The following VKORC1L1 variants were observed in gnomAD, a reference collection of about 807,000 sequenced individuals.
VKORC1L1 encodes vitamin K epoxide reductase complex subunit 1L1, also known as vitamin K epoxide reductase complex subunit 1-like protein 1.
VKORC1L1 carries 2 observed loss-of-function variants against 18.9 expected under a neutral mutation model. The observed-to-expected ratio is 0.11, with a 90% CI of 0.04 to 0.33. The LOEUF is 0.33. Ranked by LOEUF, VKORC1L1 falls within the 10% of genes least tolerant of loss-of-function variation. The pLI is 1.00. For missense variants in VKORC1L1, 123 were observed against 224.1 expected, an observed-to-expected ratio of 0.55 and a Z score of 2.88; for synonymous variants, 96 against 100.0, an observed-to-expected ratio of 0.96 and a Z score of 0.24.
At chr7:65,868,088 T>C (rs1788683982), upstream of VKORC1L1, among the ~76,000 whole-genome samples, 2 of 152,122 alleles carry the variant, frequency 1.3e-5, no homozygotes, top group Non-Finnish European at 2.9e-5. Context: ...CTCAGGTGAT[T>C]CACCTGCCTA....
intron 1 of VKORC1L1, among the ~76,000 whole-genome samples, chr7:65,939,319 G>A (rs551954610): frequency 6.6e-6 from 1 of 152,300 alleles, no homozygotes; most frequent in Non-Finnish European, 1.5e-5. Context: ...AGAAGTAAAA[G>A]GGGTCCTGGA....
intron 1 of VKORC1L1, among the ~76,000 whole-genome samples, chr7:65,900,347 A>T (rs1789293991): frequency 6.6e-6 from 1 of 151,496 alleles, no homozygotes; most frequent in African/African-American, 2.4e-5. Flanking sequence ...GTGAGCTGAG[A>T]TCATGCCACT....
chr7:65,900,664 G>A (rs1446974374), intron 1 of VKORC1L1, among the ~76,000 whole-genome samples: 1 of 151,994 alleles, frequency 6.6e-6, no homozygotes, highest in African/African-American at 2.4e-5. Context: ...TTAGAACTGG[G>A]TGTTGTGGCA....
chr7:65,917,715 T>G (rs940613833), intron 1 of VKORC1L1, among the ~76,000 whole-genome samples: 2 of 152,250 alleles, frequency 1.3e-5, no homozygotes, highest in Non-Finnish European at 1.5e-5. Context: ...CCTGTATCCA[T>G]CACTAAAAAC....
In VKORC1L1 at chr7:65,921,860, A is replaced by T. The variant is rs1789681551; in HGVS notation, c.195-26811A>T. Among the ~76,000 whole-genome samples, 2 of 151,938 alleles carry T rather than the reference A, an allele frequency of 1.3e-5. 1 individual carries two copies. The highest frequency in any genetic ancestry group is 4.1e-4 in the South Asian group (2 of 4,820). On this transcript the variant is annotated intron_variant, in intron 1 of 2. Transcript: ENST00000360768. ...GAGACTCCATCTCAAAAAAAAAAAA[A>T]AAATTTTTTTTAGAGACGGGTCTCA...
rs113574795 is a variant in VKORC1L1 at position 65,888,599 on chromosome 7, C to T, written c.194+15034C>T. On this transcript the variant is annotated intron_variant, in intron 1 of 2. Transcript: ENST00000360768. The stretch of plus-strand genomic sequence containing the variant: ...GCCTTGGCCTCTTCTACCGAAGCTG[C>T]AGGTTTGGCCCTGTCTCTCCCTTAC... 1.1e-3 allele frequency among the ~76,000 whole-genome samples: 169 copies of T among 151,610 alleles called. 1 individual carries two copies. Among genetic ancestry groups the T allele is most frequent in the African/African-American group, 3.1e-3 (130 of 41,436 alleles).
At chr7:65,912,072 C>T (rs1789511192) in intron 1 of VKORC1L1, among the ~76,000 whole-genome samples, 1 of 152,086 alleles carries the variant, frequency 6.6e-6, no homozygotes, top group East Asian at 1.9e-4. Context: ...TGCAGTGAGC[C>T]GCTATTGCAC....
At chr7:65,887,729 G>A (rs1246040924) in intron 1 of VKORC1L1, among the ~76,000 whole-genome samples, 1 of 152,096 alleles carries the variant, frequency 6.6e-6, no homozygotes, top group African/African-American at 2.4e-5. Flanking sequence ...TCTCACACAA[G>A]TGTCTCATTT....
chr7:65,922,497 T>C (rs922434029), intron 1 of VKORC1L1, among the ~76,000 whole-genome samples: 1 of 152,180 alleles, frequency 6.6e-6, no homozygotes, highest in Non-Finnish European at 1.5e-5. Context: ...TTGGCCAGGC[T>C]GGACTCTAAC....
chr7:65,936,495 G>T (rs1300453138), intron 1 of VKORC1L1, among the ~76,000 whole-genome samples: 1 of 152,142 alleles, frequency 6.6e-6, no homozygotes, highest in Non-Finnish European at 1.5e-5. Context: ...TGGGTGATGG[G>T]TTCAATGCCA....
intron 1 of VKORC1L1, among the ~76,000 whole-genome samples, chr7:65,916,844 C>T (rs935241575): frequency 1.3e-5 from 2 of 152,126 alleles, no homozygotes; most frequent in Non-Finnish European, 2.9e-5. Context: ...GTGATCCACC[C>T]ACCTTGGCCT....
chr7:65,929,714 AACTTT>A, intron 1 of VKORC1L1, among the ~76,000 whole-genome samples: 1 of 121,868 alleles, frequency 8.2e-6, no homozygotes, highest in East Asian at 2.6e-4. Flanking sequence ...GGTTTTTTTT[AACTTT>A]ACTTTTAAAA....
Position 65,909,680 on chromosome 7 carries a change from G to C in VKORC1L1, c.194+36115G>C, listed in dbSNP as rs116607411. On this transcript the variant is annotated intron_variant, in intron 1 of 2. Transcript: ENST00000360768. ...CTGTTCTTTGAAGCTTCTAACTTTT[G>C]TTTTAGCCTTTGTGTGTGTGTGTGT... is the stretch of plus-strand genomic sequence containing the variant. Among the ~76,000 whole-genome samples, 1,315 of 141,674 alleles carry C rather than the reference G, an allele frequency of 9.3e-3. 24 individuals are homozygous for C. Among genetic ancestry groups the C allele is most frequent in the African/African-American group, 0.032 (1,184 of 37,304 alleles). The allele number at this position is 141,674 out of a possible 152,430, so 92.9% of individuals were successfully genotyped here.
chr7:65,955,587 G>A lies in VKORC1L1; in HGVS notation c.*1287G>A, dbSNP rs1314804741. ...CAAATGAAATTGTGACAGGATGTTT[G>A]TATGGTTAACATCTGATATCAGAAT... On this transcript the variant is annotated 3_prime_UTR_variant, in exon 3 of 3. Coordinates refer to ENST00000360768, the MANE Select transcript of VKORC1L1 (RefSeq NM_173517.6). 1 of 152,220 alleles carries A rather than the reference G, an allele frequency of 6.6e-6. No homozygotes were observed. Among genetic ancestry groups the A allele is most frequent in the Non-Finnish European group, 1.5e-5 (1 of 68,048 alleles). The allele number at this position is 152,220 out of a possible 1,614,324, so 9.4% of individuals were successfully genotyped here. A position where few individuals can be genotyped will look rare whatever the true frequency, so the allele number is the denominator to read the frequency against.
At chr7:65,886,652 C>G (rs1275139142) in intron 1 of VKORC1L1, among the ~76,000 whole-genome samples, 1 of 151,840 alleles carries the variant, frequency 6.6e-6, no homozygotes, top group Non-Finnish European at 1.5e-5. Flanking sequence ...GTTCTCCTGC[C>G]TCAGCATCCT....
At chr7:65,910,851 A>G (rs774888426) in intron 1 of VKORC1L1, among the ~76,000 whole-genome samples, 72 of 152,228 alleles carry the variant, frequency 4.7e-4, no homozygotes, top group Non-Finnish European at 8.2e-4. Context: ...TAAAACATTT[A>G]TGGATAAAAT....
chr7:65,921,248 T>C (rs538736343), intron 1 of VKORC1L1, among the ~76,000 whole-genome samples: 2 of 152,342 alleles, frequency 1.3e-5, no homozygotes, highest in Admixed American at 1.3e-4. Context: ...ATTATGAATA[T>C]ATTTGGATTT....
intron 1 of VKORC1L1, among the ~76,000 whole-genome samples, chr7:65,893,412 A>G (rs1789140622): frequency 6.6e-6 from 1 of 152,130 alleles, no homozygotes. Context: ...GTGATAGCAC[A>G]TGCATTTAAT....
At chr7:65,907,041 CA>C (rs1789417633) in intron 1 of VKORC1L1, among the ~76,000 whole-genome samples, 1 of 152,132 alleles carries the variant, frequency 6.6e-6, no homozygotes, top group South Asian at 2.1e-4. Flanking sequence ...TGGGATGGAG[CA>C]AAGTAGTGCT....
Sources: gnomAD v4.1 joint callset for allele counts (sites outside exome capture counted in the v4.1 genomes callset) on GRCh38, gnomAD v4.1.1 for gene constraint, MANE v1.5 for transcripts, NCBI Gene and HGNC (gene_info 2026-07-23, HGNC 2026-07-21) for gene names.